The following BZW1 variants were observed in gnomAD, a reference collection of about 807,000 sequenced individuals.
BZW1 encodes the protein basic leucine zipper and W2 domains 1.
In BZW1, 3 loss-of-function variants were observed where a neutral mutation model predicts 54.1. The ratio of observed to expected loss-of-function variants is 0.06; its 90% CI spans 0.03 to 0.14. BZW1 has a LOEUF of 0.14. Ranked by LOEUF, BZW1 falls within the 10% of genes least tolerant of loss-of-function variation. The pLI is 1.00. For missense variants in BZW1, 206 were observed against 491.7 expected (o/e 0.42, Z 5.50); for synonymous variants, 152 against 162.7 (o/e 0.93, Z 0.50).
rs1575061760 is a variant in BZW1 at position 200,822,253 on chromosome 2, T to G, written c.*75T>G. 1 of 1,259,080 alleles carries G rather than the reference T, an allele frequency of 7.9e-7. No homozygotes were observed. Among genetic ancestry groups the G allele is most frequent in the East Asian group, 2.4e-5 (1 of 40,956 alleles). The allele number at this position is 1,259,080 out of a possible 1,614,324, so 78.0% of individuals were successfully genotyped here. A position where few individuals can be genotyped will look rare whatever the true frequency, so the allele number is the denominator to read the frequency against. Reference sequence around the variant, plus strand: ...GTCATGTCTCATGTGTCCTGGTTCTTACATCTTCCTACCTCCCTGTATCAA... The same window carrying G: ...GTCATGTCTCATGTGTCCTGGTTCTGACATCTTCCTACCTCCCTGTATCAA... On this transcript the variant is annotated 3_prime_UTR_variant, in exon 12 of 12. Coordinates refer to ENST00000409600, the MANE Select transcript of BZW1 (RefSeq NM_001207067.2).
At chr2:200,814,201 A>C (rs1188344136) in intron 2 of BZW1, among the ~76,000 whole-genome samples, 1 of 152,230 alleles carries the variant, frequency 6.6e-6, no homozygotes, top group Non-Finnish European at 1.5e-5. Context: ...TATCTCTTGA[A>C]TATGTGGGTT....
At chr2:200,814,293 G>A (rs1258649436) in intron 2 of BZW1, among the ~76,000 whole-genome samples, 4 of 152,168 alleles carry the variant, frequency 2.6e-5, no homozygotes, top group East Asian at 1.9e-4. Context: ...TAACTTCCCC[G>A]GTTCCAGATA....
At chr2:200,814,283 T>C (rs1007377567) in intron 2 of BZW1, among the ~76,000 whole-genome samples, 3 of 152,212 alleles carry the variant, frequency 2.0e-5, no homozygotes, top group East Asian at 3.8e-4. Flanking sequence ...GGGAGAGATG[T>C]AACTTCCCCG....
Position 200,821,256 on chromosome 2 carries a change from C to T in BZW1, c.1179C>T (p.Phe393=). Reference sequence around the variant, plus strand: ...ATGTTGCAAAGGGGAAGAGTGTTTTCCTTGAGCAAATGAAAAAGTTTGTAG... The same window carrying T: ...ATGTTGCAAAGGGGAAGAGTGTTTTTCTTGAGCAAATGAAAAAGTTTGTAG... ...DAHVAKGKSV[F]LEQMKKFVEW... is the part of the protein sequence containing the mutation. The change falls in exon 11 of 12, where the codon TTC becomes TTT. Residue 393 remains phenylalanine (F), a synonymous_variant. Transcript: ENST00000409600. 1 of 1,613,086 alleles carries T rather than the reference C, an allele frequency of 6.2e-7. No individual in the cohort carries two copies. Among genetic ancestry groups the T allele is most frequent in the Non-Finnish European group, 8.5e-7 (1 of 1,179,688 alleles).
intron 4 of BZW1, 28 bp downstream of exon 4, chr2:200,815,789 C>A: frequency 2.0e-6 from 3 of 1,492,600 alleles, no homozygotes; most frequent in Admixed American, 2.4e-5. Context: ...TAATTGTTTT[C>A]AGTTGGCTAC....
chr2:200,818,291 A>C lies in BZW1; in HGVS notation c.717A>C (p.Lys239Asn). ...FTKYFTEAGL[K>N]ELSEYVRNQQ... ...AATATTTTACTGAGGCAGGCTTGAA[A>C]GAGCTTTCAGAATATGTTCGGAATC... Residue 239 changes from lysine to asparagine, a missense_variant, in exon 8 of 12, where the codon AAA (lysine) becomes AAC (asparagine). Around this residue, in one of 5 missense-constraint regions of BZW1, gnomAD observed 81 missense variants for 257.1 expected, o/e 0.32. Coordinates refer to ENST00000409600, the MANE Select transcript of BZW1 (RefSeq NM_001207067.2). 6.2e-7 allele frequency: 1 copy of C among 1,611,392 alleles called. No individual in the cohort carries two copies. Among genetic ancestry groups the C allele is most frequent in the Non-Finnish European group, 8.5e-7 (1 of 1,179,084 alleles).
At chr2:200,817,332 G>A (rs1020209761) in intron 6 of BZW1, 91 bp downstream of exon 6, 36 of 1,455,402 alleles carry the variant, frequency 2.5e-5, no homozygotes, top group Admixed American at 1.2e-4. Context: ...TTCTGTGAAA[G>A]TCTTCGTTTA....
At chr2:200,821,350 A>C (rs907763469) in intron 11 of BZW1, 45 bp downstream of exon 11, 1 of 1,606,880 alleles carries the variant, frequency 6.2e-7, no homozygotes, top group African/African-American at 1.3e-5. Flanking sequence ...AGCTAATTTT[A>C]ATGTGGCCAT....
chr2:200,813,328 TTG>T (rs773297519), intron 2 of BZW1, 47 bp downstream of exon 2: 16 of 1,511,282 alleles, frequency 1.1e-5, no homozygotes, highest in Non-Finnish European at 1.4e-5. Context: ...CCAGAACATC[TTG>T]TGTATCTTGC....
intron 10 of BZW1, among the ~76,000 whole-genome samples, chr2:200,820,365 A>G (rs1376090913): frequency 6.6e-6 from 1 of 152,160 alleles, no homozygotes; most frequent in African/African-American, 2.4e-5. Flanking sequence ...CTTGCCTCCT[A>G]TACTCTTAAC....
intron 5 of BZW1, among the ~76,000 whole-genome samples, chr2:200,816,825 T>A (rs2038310785): frequency 6.6e-6 from 1 of 152,172 alleles, no homozygotes; most frequent in South Asian, 2.1e-4. Flanking sequence ...CTTGATATGT[T>A]TATCAAGCAC....
At chr2:200,812,052 G>A (rs915437805) in intron 1 of BZW1, 62 bp downstream of exon 1, 5 of 426,740 alleles carry the variant, frequency 1.2e-5, no homozygotes, top group Middle Eastern at 1.2e-3. Context: ...CCGGGCAGAG[G>A]GAGAGGGAGG....
rs545783406 is a variant in BZW1 at position 200,813,069 on chromosome 2, A to C, written c.-10-139A>C. ...AGTGCAGGTAATTCTTTGTGCCTGT[A>C]TCGGGTATAATTGCCAGCTTTATAT... On this transcript the variant is annotated intron_variant, in intron 1 of 11. Transcript: ENST00000409600. The C allele has an allele frequency of 4.2e-6, 3 of 716,180 alleles. No homozygotes were observed. In the South Asian group the frequency reaches 4.6e-5, roughly 11 times the overall value. The allele number at this position is 716,180 out of a possible 1,614,324, so 44.4% of individuals were successfully genotyped here.
Position 200,826,148 on chromosome 2 carries a change from C to T in BZW1, c.*3970C>T, listed in dbSNP as rs1296595919. 1 of 152,108 alleles carries T rather than the reference C, an allele frequency of 6.6e-6. No individual in the cohort carries two copies. The highest frequency in any genetic ancestry group is 1.5e-5 in the Non-Finnish European group (1 of 68,028). 9.4% of individuals were successfully genotyped at this position (152,108 alleles called of 1,614,324 possible). On this transcript the variant is annotated 3_prime_UTR_variant, in exon 12 of 12. Coordinates refer to ENST00000409600, the MANE Select transcript of BZW1 (RefSeq NM_001207067.2). The stretch of plus-strand genomic sequence containing the variant: ...TTTATAATTGGCTTTTGTCCAAAAA[C>T]TCTTAAGTGGATTAATATCTGAACA...
chr2:200,819,601 C>T (rs2105701080), intron 9 of BZW1, among the ~76,000 whole-genome samples: 1 of 150,946 alleles, frequency 6.6e-6, no homozygotes, highest in South Asian at 2.1e-4. Context: ...CACTCTGTCA[C>T]CCAGGCTGGA....
intron 6 of BZW1, among the ~76,000 whole-genome samples, chr2:200,817,627 T>G (rs930289253): frequency 7.5e-6 from 1 of 134,096 alleles, no homozygotes; most frequent in Non-Finnish European, 1.6e-5. Flanking sequence ...TTCTCTACAG[T>G]AATTTTTTTG....
chr2:200,822,271 T>G lies in BZW1; in HGVS notation c.*93T>G. ...TGGTTCTTACATCTTCCTACCTCCC[T>G]GTATCAAGCATGATATAAGGGCTTT... On this transcript the variant is annotated 3_prime_UTR_variant, in exon 12 of 12. Coordinates refer to ENST00000409600, the MANE Select transcript of BZW1 (RefSeq NM_001207067.2). 1 of 1,124,106 alleles carries G rather than the reference T, an allele frequency of 8.9e-7. No homozygotes were observed. Among genetic ancestry groups the G allele is most frequent in the South Asian group, 1.4e-5 (1 of 74,034 alleles). 69.6% of individuals were successfully genotyped at this position (1,124,106 alleles called of 1,614,324 possible). A position where few individuals can be genotyped will look rare whatever the true frequency, so the allele number is the denominator to read the frequency against.
In BZW1 at chr2:200,826,407, A is replaced by AGATAGATAGATAGAT. The variant is rs1559318394; in HGVS notation, c.*4229_*4230insGATAGATAGATAGAT. On this transcript the variant is annotated 3_prime_UTR_variant, in exon 12 of 12. Transcript: ENST00000409600. ...TAGATAGATAGATAGATAGATAGAT[A>AGATAGATAGATAGAT]TTTTTTTTTTTTTTTTTTTTTTTTT... 2.0e-4 allele frequency: 11 copies of AGATAGATAGATAGAT among 54,948 alleles called. No homozygotes were observed. The highest frequency in any genetic ancestry group is 3.4e-4 in the African/African-American group (4 of 11,774). The allele number at this position is 54,948 out of a possible 1,614,324, so 3.4% of individuals were successfully genotyped here.
In BZW1 at chr2:200,818,844, T is replaced by A; in HGVS notation, c.909T>A (p.Thr303=). Residue 303 remains threonine (T), a synonymous_variant, in exon 9 of 12, where the codon ACT becomes ACA. Coordinates refer to ENST00000409600, the MANE Select transcript of BZW1 (RefSeq NM_001207067.2). ...TAGTCTGGTCAAGTGTAATGAGCAC[T>A]GTGGAATGGAACAAAAAAGAGGAGC... is the stretch of plus-strand genomic sequence containing the variant. ...IGIVWSSVMS[T]VEWNKKEELV... is the part of the protein sequence containing the mutation. The A allele has an allele frequency of 6.2e-7, 1 of 1,603,694 alleles. No individual in the cohort carries two copies. The highest frequency in any genetic ancestry group is 8.5e-7 in the Non-Finnish European group (1 of 1,177,200).
Sources: gnomAD v4.1 joint callset for allele counts (sites outside exome capture counted in the v4.1 genomes callset) on GRCh38, gnomAD v4.1.1 for gene constraint, gnomAD v4.1.1 regional missense constraint, MANE v1.5 for transcripts, NCBI Gene and HGNC (gene_info 2026-07-23, HGNC 2026-07-21) for gene names.